The following ADGRL1 variants were observed in gnomAD, a reference collection of about 807,000 sequenced individuals.
ADGRL1 encodes the protein adhesion G protein-coupled receptor L1.
In ADGRL1, 31 loss-of-function variants were observed where a neutral mutation model predicts 148.9. The observed-to-expected ratio is 0.21, with a 90% CI of 0.16 to 0.28. The LOEUF is 0.28. Ranked by LOEUF, ADGRL1 falls within the 10% of genes least tolerant of loss-of-function variation. The pLI is 1.00. For missense variants in ADGRL1, 1,521 were observed against 2,058.8 expected, an observed-to-expected ratio of 0.74 and a Z score of 5.05; for synonymous variants, 937 against 900.3, an observed-to-expected ratio of 1.04 and a Z score of -0.73.
At chr19:14,165,648 C>G (rs1416096431) in intron 4 of ADGRL1, among the ~76,000 whole-genome samples, 1 of 132,446 alleles carries the variant, frequency 7.6e-6, no homozygotes, top group African/African-American at 2.8e-5. Flanking sequence ...AACCAGTGGG[C>G]CTGCAAGAAG....
rs529284852 is a variant in ADGRL1 at position 14,162,954 on chromosome 19, C to T, written c.847G>A (p.Gly283Arg). The T allele has an allele frequency of 7.4e-6, 12 of 1,613,678 alleles. No homozygotes were observed. Among genetic ancestry groups the T allele is most frequent in the East Asian group, 2.2e-5 (1 of 44,842 alleles). Residue 283 changes from glycine to arginine, a missense_variant, in exon 5 of 23, where the codon GGG becomes AGG. Gly to Arg is a moderately radical substitution (Grantham distance 125, BLOSUM62 -2). This residue lies in a region of ADGRL1 where 334 missense variants were observed against 512.5 expected (regional missense o/e 0.65). Transcript: ENST00000361434. The surrounding 1 kb of genome is among the most constrained non-coding windows in gnomAD (Gnocchi z 5.4). ...WVIYATEGNNGRLVVSQLNPY... is the reference protein window; with the variant it reads ...WVIYATEGNNRRLVVSQLNPY... ...TTCAGCTGGCTCACCACCAGCCGCC[C>T]GTTGTTGCCCTCAGTGGCGTAGATG...
chr19:14,166,967 G>A (rs767457096), intron 4 of ADGRL1: 31 of 1,597,558 alleles, frequency 1.9e-5, no homozygotes, highest in Non-Finnish European at 2.1e-5. Flanking sequence ...TATGGTACAG[G>A]TAGAACAAAG....
rs1296751753 is a variant in ADGRL1, at chr19:14,160,008, G to A, written c.1800+104C>T. 5.2e-5 allele frequency: 66 copies of A among 1,262,018 alleles called. No homozygotes were observed. The highest frequency in any genetic ancestry group is 7.1e-5 in the Non-Finnish European group (65 of 920,996). 78.2% of individuals were successfully genotyped at this position (1,262,018 alleles called of 1,614,324 possible). A position where few individuals can be genotyped will look rare whatever the true frequency, so the allele number is the denominator to read the frequency against. Reference sequence around the variant, plus strand: ...GGGTCCTTCCTCTCTGAGGAAAGGAGTGGAGGTGGCAGCCTGGCTGGGAGG... The same window carrying A: ...GGGTCCTTCCTCTCTGAGGAAAGGAATGGAGGTGGCAGCCTGGCTGGGAGG... On this transcript the variant is annotated intron_variant, in intron 8 of 22. Coordinates refer to ENST00000361434, the MANE Select transcript of ADGRL1 (RefSeq NM_014921.5). This position sits in a 1 kb window ranked among gnomAD's most constrained non-coding sequence, Gnocchi z 5.9.
At position 14,151,300 on chromosome 19, in the gene ADGRL1, A is replaced by G. The variant is rs1968158989; in HGVS notation, c.3983T>C (p.Ile1328Thr). 15 of 1,608,426 alleles carry G rather than the reference A, an allele frequency of 9.3e-6. No homozygotes were observed. Among genetic ancestry groups the G allele is most frequent in the Non-Finnish European group, 1.2e-5 (14 of 1,178,080 alleles). The stretch of plus-strand genomic sequence containing the variant: ...CTCCAGGGCCTTATAGAGAAGTTCA[A>G]TCTCGGCCCGGTCAGCACCCCCGGG... ...GGPGGADRAE[I>T]ELLYKALEEP... The change falls in exon 23 of 23, where the codon ATT becomes ACT. Residue 1328 changes from isoleucine (I) to threonine (T), a missense_variant. Physicochemically the swap from Ile to Thr is moderately conservative, Grantham distance 89. Coordinates refer to ENST00000361434, the MANE Select transcript of ADGRL1 (RefSeq NM_014921.5).
chr19:14,156,039 C>T, intron 17 of ADGRL1, 71 bp downstream of exon 17: 3 of 1,127,972 alleles, frequency 2.7e-6, no homozygotes, highest in South Asian at 1.3e-5. Context: ...TTAGGACACC[C>T]TGGAAGAGGT....
rs900637620 is a variant in ADGRL1, at chr19:14,152,946, A to C, written c.3295-34T>G. ...TGGAGGACAGTCAGCTGGCTGGGAC[A>C]CTGGCCTCCTCTGTGATCCAGTCTC... On this transcript the variant is annotated intron_variant, in intron 18 of 22. Transcript: ENST00000361434. This position sits in a 1 kb window ranked among gnomAD's most constrained non-coding sequence, Gnocchi z 6.1. The C allele has an allele frequency of 1.2e-6, 2 of 1,609,576 alleles. No homozygotes were observed. Among genetic ancestry groups the C allele is most frequent in the Non-Finnish European group, 8.5e-7 (1 of 1,178,200 alleles).
chr19:14,181,926 G>C (rs1014433692), intron 2 of ADGRL1, among the ~76,000 whole-genome samples: 1 of 152,152 alleles, frequency 6.6e-6, no homozygotes, highest in African/African-American at 2.4e-5. Flanking sequence ...AACCTCCAAG[G>C]ATTTCACTGT....
In ADGRL1 at chr19:14,156,462, C is replaced by T. The variant is rs1008101855; in HGVS notation, c.3033+196G>A. ...GGGGCTCAAATCACAGCCCCCCAGG[C>T]GAGCAGCCCTCAGCACTGGAGCTCC... On this transcript the variant is annotated intron_variant, in intron 16 of 22. Coordinates refer to ENST00000361434, the MANE Select transcript of ADGRL1 (RefSeq NM_014921.5). 2.0e-5 allele frequency among the ~76,000 whole-genome samples: 3 copies of T among 151,838 alleles called. 1 individual carries two copies. The East Asian group carries it at 5.8e-4, about 29-fold the overall frequency.
At position 14,160,064 on chromosome 19, in the gene ADGRL1, G is replaced by C; in HGVS notation, c.1800+48C>G. 6.5e-7 allele frequency: 1 copy of C among 1,527,046 alleles called. No homozygotes were observed. The highest frequency in any genetic ancestry group is 1.2e-5 in the South Asian group (1 of 80,966). The allele number at this position is 1,527,046 out of a possible 1,614,324, so 94.6% of individuals were successfully genotyped here. A position where few individuals can be genotyped will look rare whatever the true frequency, so the allele number is the denominator to read the frequency against. On this transcript the variant is annotated intron_variant, in intron 8 of 22. Transcript: ENST00000361434. This position sits in a 1 kb window ranked among gnomAD's most constrained non-coding sequence, Gnocchi z 5.9. The stretch of plus-strand genomic sequence containing the variant: ...GGTCAGGTACTTCCCAAGCCCCTGG[G>C]GGCAGGCGCCCTCCCCATACCAGGT...
rs1568565974 is a variant in ADGRL1, at chr19:14,153,040, C to G, written c.3295-128G>C. The G allele has an allele frequency of 3.6e-6, 4 of 1,100,028 alleles. No homozygotes were observed. In the East Asian group the frequency reaches 1.0e-4, roughly 27 times the overall value. The allele number at this position is 1,100,028 out of a possible 1,614,324, so 68.1% of individuals were successfully genotyped here. ...ACCGAGCTTCCAATGACTGTGTTCC[C>G]CTGTTCAGCGACTTGCAGGCCACGG... On this transcript the variant is annotated intron_variant, in intron 18 of 22. Transcript: ENST00000361434.
chr19:14,183,193 C>CAGAGAGAGAGCG (rs1971322561), intron 2 of ADGRL1, among the ~76,000 whole-genome samples: 1 of 145,306 alleles, frequency 6.9e-6, no homozygotes. Context: ...GATGTAATCA[C>CAGAGAGAGAGCG]AGAGAGAGAG....
Position 14,177,687 on chromosome 19 carries a change from C to G in ADGRL1, c.128G>C (p.Gly43Ala). The change falls in exon 3 of 23, where the codon GGC becomes GCC. Residue 43 changes from glycine to alanine, a missense_variant. By Grantham distance (60) the Gly-to-Ala change is moderately conservative (BLOSUM62 0). This residue lies in a region of ADGRL1 where 334 missense variants were observed against 512.5 expected (regional missense o/e 0.65). Transcript: ENST00000361434. ...GGGGCACCGCAGCTCGATGGGGTAG[C>G]CTTCACACGCCAGCTCCCGGCGCAT... is the stretch of plus-strand genomic sequence containing the variant. ...GLMRRELACE[G>A]YPIELRCPGS... 6.2e-7 allele frequency: 1 copy of G among 1,614,114 alleles called. No individual in the cohort carries two copies.
At chr19:14,195,059 G>A (rs374243024) in intron 1 of ADGRL1, among the ~76,000 whole-genome samples, 40 of 151,920 alleles carry the variant, frequency 2.6e-4, no homozygotes, top group Middle Eastern at 3.4e-3. Flanking sequence ...TAATTTTTGT[G>A]TTTTTTGTAG....
intron 1 of ADGRL1, among the ~76,000 whole-genome samples, chr19:14,185,049 T>G (rs866117968): frequency 4.0e-5 from 6 of 151,844 alleles, no homozygotes; most frequent in African/African-American, 1.5e-4. Flanking sequence ...CCCCAAAACT[T>G]TGGGATTACA....
chr19:14,197,460 A>G (rs531010581), intron 1 of ADGRL1, among the ~76,000 whole-genome samples: 1 of 152,014 alleles, frequency 6.6e-6, no homozygotes, highest in African/African-American at 2.4e-5. Context: ...TGGAAATCCA[A>G]TTACACCCCT....
chr19:14,195,530 T>C (rs979777460), intron 1 of ADGRL1, among the ~76,000 whole-genome samples: 1 of 151,968 alleles, frequency 6.6e-6, no homozygotes, highest in Non-Finnish European at 1.5e-5. Flanking sequence ...GTCTCCTCCC[T>C]TCCTGGCAGC....
chr19:14,188,927 C>A (rs10415966), intron 1 of ADGRL1, among the ~76,000 whole-genome samples: 25,308 of 151,984 alleles, frequency 0.17, 2,487 homozygotes, highest in East Asian at 0.38. Context: ...GCGCCCACCA[C>A]CACGAGCAGA....
chr19:14,183,208 AGAGAGAGAGC>A (rs1006983351), intron 2 of ADGRL1, among the ~76,000 whole-genome samples: 15 of 150,296 alleles, frequency 1.0e-4, no homozygotes, highest in African/African-American at 2.9e-4. Flanking sequence ...AGAGAGAGAG[AGAGAGAGAGC>A]GAGAGAGAGA....
chr19:14,155,580 A>C lies in ADGRL1; in HGVS notation c.3126-53T>G. The C allele has an allele frequency of 1.3e-6, 2 of 1,584,694 alleles. No individual in the cohort carries two copies. The highest frequency in any genetic ancestry group is 2.2e-5 in the South Asian group (2 of 90,090). Reference sequence around the variant, plus strand: ...AGTACCCGCCGGAGGGGACGGCCTCAGCCCAGGCCTCCCCTGCAGCCTACA... The same window carrying C: ...AGTACCCGCCGGAGGGGACGGCCTCCGCCCAGGCCTCCCCTGCAGCCTACA... On this transcript the variant is annotated intron_variant, in intron 17 of 22. Transcript: ENST00000361434. The surrounding 1 kb of genome is among the most constrained non-coding windows in gnomAD (Gnocchi z 5.0).
Sources: allele counts gnomAD v4.1 joint callset (sites outside exome capture counted in the v4.1 genomes callset), GRCh38; gene constraint gnomAD v4.1.1; regional missense constraint gnomAD v4.1.1; non-coding constraint Gnocchi (gnomAD v3.1); transcripts MANE v1.5; gene names NCBI Gene and HGNC (gene_info 2026-07-23, HGNC 2026-07-21).